Variants in GNAQ observed in about 807,000 individuals in gnomAD.
GNAQ encodes guanine nucleotide-binding protein G(q) subunit alpha.
In GNAQ, 8 loss-of-function variants were observed where a neutral mutation model predicts 43.9. That is an observed-to-expected ratio of 0.18 (90% CI 0.11 to 0.33). The LOEUF (loss-of-function observed/expected upper bound fraction) is 0.33. Ranked by LOEUF, GNAQ falls within the 10% of genes least tolerant of loss-of-function variation. The pLI, the probability that GNAQ is intolerant of heterozygous loss-of-function variation, is 1.00. For synonymous variants in GNAQ, 155 were observed against 170.7 expected (o/e 0.91, Z 0.71); for missense variants, 158 against 450.8 (o/e 0.35, Z 5.88).
At chr9:78,009,548 C>T (rs997351602) in intron 1 of GNAQ, among the ~76,000 whole-genome samples, 2 of 152,204 alleles carry the variant, frequency 1.3e-5, no homozygotes, top group African/African-American at 2.4e-5. Flanking sequence ...GACTTGGAAT[C>T]AACTGGAGAT....
chr9:77,955,679 G>A (rs188235805), intron 1 of GNAQ, among the ~76,000 whole-genome samples: 48 of 152,234 alleles, frequency 3.2e-4, no homozygotes, highest in African/African-American at 1.2e-3. Context: ...TTGCCTACTT[G>A]AAATCACTTA....
intron 1 of GNAQ, among the ~76,000 whole-genome samples, chr9:77,937,174 G>A (rs1250315225): frequency 6.6e-6 from 1 of 152,166 alleles, no homozygotes; most frequent in Non-Finnish European, 1.5e-5. Flanking sequence ...CAGACGTGGT[G>A]CCTCACACCT....
At chr9:77,896,638 T>C (rs975980023) in intron 2 of GNAQ, among the ~76,000 whole-genome samples, 4 of 152,260 alleles carry the variant, frequency 2.6e-5, no homozygotes, top group South Asian at 2.1e-4. Context: ...TTTTCTTTTT[T>C]CTCATTTCTT....
chr9:77,943,389 A>T (rs1001351607), intron 1 of GNAQ, among the ~76,000 whole-genome samples: 8 of 152,256 alleles, frequency 5.3e-5, no homozygotes, highest in African/African-American at 1.9e-4. Context: ...TTGCAAATGT[A>T]ACATGACACG....
chr9:77,974,817 G>A (rs1823278509), intron 1 of GNAQ, among the ~76,000 whole-genome samples: 1 of 152,208 alleles, frequency 6.6e-6, no homozygotes. Flanking sequence ...ATGACGGATT[G>A]CTGCTGTTCA....
chr9:77,812,521 C>T (rs990325560), intron 3 of GNAQ, among the ~76,000 whole-genome samples: 1 of 152,052 alleles, frequency 6.6e-6, no homozygotes, highest in African/African-American at 2.4e-5. Flanking sequence ...CAAATCTAGG[C>T]CAATCTCTTG....
chr9:77,868,073 T>C (rs1204204276), intron 2 of GNAQ, among the ~76,000 whole-genome samples: 3 of 152,198 alleles, frequency 2.0e-5, no homozygotes, highest in African/African-American at 7.2e-5. Flanking sequence ...ATAGATGCAA[T>C]AAGGAGAAGC....
intron 2 of GNAQ, among the ~76,000 whole-genome samples, chr9:77,823,686 A>C (rs1395564736): frequency 4.6e-5 from 7 of 152,278 alleles, no homozygotes; most frequent in Middle Eastern, 3.4e-3. Context: ...GAGACAGAGA[A>C]GCGGGAGGTG....
intron 2 of GNAQ, among the ~76,000 whole-genome samples, chr9:77,903,354 C>T (rs796882279): frequency 9.2e-5 from 14 of 152,302 alleles, no homozygotes; most frequent in African/African-American, 3.1e-4. Flanking sequence ...CTCACTTCAT[C>T]CTCACTCTGC....
At chr9:77,753,101 A>G (rs1215215706) in intron 5 of GNAQ, among the ~76,000 whole-genome samples, 10 of 151,682 alleles carry the variant, frequency 6.6e-5, no homozygotes, top group East Asian at 1.9e-4. Context: ...AAAAAAAAAA[A>G]AAAAAGAAAA....
At chr9:77,905,213 C>T (rs1587399946) in intron 2 of GNAQ, among the ~76,000 whole-genome samples, 1 of 152,298 alleles carries the variant, frequency 6.6e-6, no homozygotes, top group East Asian at 1.9e-4. Flanking sequence ...AGATTCATAA[C>T]ATTACCATTA....
intron 3 of GNAQ, among the ~76,000 whole-genome samples, chr9:77,814,119 G>A (rs567763696): frequency 1.8e-4 from 28 of 152,198 alleles, no homozygotes; most frequent in African/African-American, 5.3e-4. Context: ...AGAAACAGAA[G>A]GACAGAGGGG....
At chr9:77,950,503 A>G (rs1292183390) in intron 1 of GNAQ, among the ~76,000 whole-genome samples, 2 of 152,246 alleles carry the variant, frequency 1.3e-5, no homozygotes, top group Non-Finnish European at 2.9e-5. Context: ...CCTATTGCCC[A>G]TCTACTAAAG....
chr9:77,871,738 C>T (rs1289060516), intron 2 of GNAQ, among the ~76,000 whole-genome samples: 1 of 152,104 alleles, frequency 6.6e-6, no homozygotes, highest in Non-Finnish European at 1.5e-5. Context: ...ACTATAAAAA[C>T]ATCACTTTTT....
intron 2 of GNAQ, among the ~76,000 whole-genome samples, chr9:77,918,997 G>GC (rs1213409648): frequency 6.6e-6 from 1 of 152,150 alleles, no homozygotes; most frequent in Non-Finnish European, 1.5e-5. Flanking sequence ...TCAGCTCACT[G>GC]CAACCTCCAC....
At chr9:77,983,349 C>T (rs115495002) in intron 1 of GNAQ, among the ~76,000 whole-genome samples, 1,627 of 152,272 alleles carry the variant, frequency 0.011, 21 homozygotes, top group African/African-American at 0.036. Flanking sequence ...TAAAAATCTT[C>T]TAAAGGACTT....
intron 2 of GNAQ, among the ~76,000 whole-genome samples, chr9:77,884,059 T>C (rs1242520536): frequency 1.3e-5 from 2 of 152,232 alleles, no homozygotes; most frequent in African/African-American, 2.4e-5. Context: ...AATCTCAGGA[T>C]GGGTGGCTGC....
chr9:77,864,114 GCAGGCACCA>G (rs1003105526), intron 2 of GNAQ, among the ~76,000 whole-genome samples: 1 of 151,816 alleles, frequency 6.6e-6, no homozygotes, highest in Non-Finnish European at 1.5e-5. Context: ...GCAAAGGGAA[GCAGGCACCA>G]CATGGCAAGA....
intron 2 of GNAQ, among the ~76,000 whole-genome samples, chr9:77,895,868 G>A (rs1828492995): frequency 6.6e-6 from 1 of 152,120 alleles, no homozygotes; most frequent in South Asian, 2.1e-4. Context: ...AGCTCTCTCT[G>A]TCTGCTGCCA....
Sources: allele counts gnomAD v4.1 joint callset (sites outside exome capture counted in the v4.1 genomes callset), GRCh38; gene constraint gnomAD v4.1.1; transcripts MANE v1.5; gene names NCBI Gene and HGNC (gene_info 2026-07-23, HGNC 2026-07-21).